The following TNR variants were observed in gnomAD, a reference collection of about 807,000 sequenced individuals.
TNR encodes tenascin-R.
TNR carries 45 observed loss-of-function variants against 150.4 expected under a neutral mutation model. That is an observed-to-expected ratio of 0.30 (90% CI 0.24 to 0.38). The LOEUF (loss-of-function observed/expected upper bound fraction) is 0.38. Among genes scored for constraint, TNR ranks in the 10% least tolerant of loss-of-function variants. The pLI, the probability that TNR is intolerant of heterozygous loss-of-function variation, is 1.00. For synonymous variants in TNR, 687 were observed against 678.4 expected (o/e 1.01, Z -0.20); for missense variants, 1,544 against 1,759.1 (o/e 0.88, Z 2.19).
In TNR at chr1:175,323,550, A is replaced by G. The variant is rs937982036; in HGVS notation, c.3958-74T>C. On this transcript the variant is annotated intron_variant, in intron 22 of 22. Transcript: ENST00000367674. ...GCCCCACTTCAAAAAAGGGGTAATT[A>G]TGGGAACAGGGAATCCACAATGTGG... 7.6e-6 allele frequency: 12 copies of G among 1,579,034 alleles called. No individual in the cohort carries two copies. In the Admixed American group the frequency reaches 1.4e-4, roughly 18 times the overall value.
At chr1:175,735,053 G>T (rs954691694) in intron 1 of TNR, among the ~76,000 whole-genome samples, 4 of 152,172 alleles carry the variant, frequency 2.6e-5, no homozygotes, top group African/African-American at 9.7e-5. Context: ...TGCCTTATAA[G>T]TTCCATCTCT....
intron 1 of TNR, among the ~76,000 whole-genome samples, chr1:175,658,136 G>C (rs1180269517): frequency 1.3e-5 from 2 of 151,948 alleles, no homozygotes; most frequent in Non-Finnish European, 2.9e-5. Flanking sequence ...TGAACCTCAA[G>C]ATGTGGAGTC....
chr1:175,384,723 C>G (rs554482907), intron 8 of TNR, among the ~76,000 whole-genome samples: 6 of 152,282 alleles, frequency 3.9e-5, no homozygotes, highest in African/African-American at 1.4e-4. Flanking sequence ...CCTACTTGTT[C>G]CTCTATGCTC....
At position 175,403,515 on chromosome 1, in the gene TNR, C is replaced by T. The variant is rs201818605; in HGVS notation, c.601G>A (p.Glu201Lys). The change falls in exon 4 of 23, where the codon GAG becomes AAG. Residue 201 changes from glutamate (E) to lysine (K), a missense_variant. Around this residue, in one of 2 missense-constraint regions of TNR, gnomAD observed 1,254 missense variants for 1,329.4 expected, o/e 0.94. Coordinates refer to ENST00000367674, the MANE Select transcript of TNR (RefSeq NM_003285.3). ...NEGWFGKNCS[E>K]PYCPLGCSSR... ...GAGCAACCCAGCGGGCAGTAGGGCT[C>T]CGAGCAATTCTTGCCAAACCAGCCT... 86 of 1,614,102 alleles carry T rather than the reference C, an allele frequency of 5.3e-5. No homozygotes were observed. The highest frequency in any genetic ancestry group is 5.8e-5 in the Non-Finnish European group (69 of 1,180,056).
chr1:175,491,965 C>T (rs1406592630), intron 2 of TNR, among the ~76,000 whole-genome samples: 3 of 152,100 alleles, frequency 2.0e-5, no homozygotes, highest in South Asian at 2.1e-4. Flanking sequence ...GACTTTTAAA[C>T]GATAAACTTT....
At chr1:175,350,006 T>C (rs57419526) in intron 18 of TNR, among the ~76,000 whole-genome samples, 2,656 of 152,364 alleles carry the variant, frequency 0.017, 87 homozygotes, top group African/African-American at 0.061. Flanking sequence ...CCGTGGATAG[T>C]GATCATGAGG....
chr1:175,716,887 T>C (rs1224557407), intron 1 of TNR, among the ~76,000 whole-genome samples: 1 of 152,142 alleles, frequency 6.6e-6, no homozygotes, highest in African/African-American at 2.4e-5. Flanking sequence ...CCCTTCCTTC[T>C]GCCTAGGATG....
chr1:175,383,611 A>T (rs529427425), intron 8 of TNR, among the ~76,000 whole-genome samples: 1 of 152,342 alleles, frequency 6.6e-6, no homozygotes, highest in South Asian at 2.1e-4. Flanking sequence ...ATATCCACTC[A>T]CCATGCAGGA....
rs1261034328 is a variant in TNR, at chr1:175,599,545, G to T, written c.-164-71176C>A. Among the ~76,000 whole-genome samples the T allele has an allele frequency of 6.6e-6, 1 of 152,220 alleles. No homozygotes were observed. Among genetic ancestry groups the T allele is most frequent in the Non-Finnish European group, 1.5e-5 (1 of 68,036 alleles). On this transcript the variant is annotated intron_variant, in intron 1 of 22. Transcript: ENST00000367674. The surrounding 1 kb of genome is among the most constrained non-coding windows in gnomAD (Gnocchi z 4.7). ...GCGGTGGGGCGGCGCGGTTAATGGG[G>T]TCTCTGCTGGGCTAGTGTCCCGCAT...
chr1:175,544,789 T>A (rs926751800), intron 1 of TNR, among the ~76,000 whole-genome samples: 21 of 152,342 alleles, frequency 1.4e-4, no homozygotes, highest in Admixed American at 1.2e-3. Context: ...ATTTTTTCCC[T>A]ATCATTGGCT....
chr1:175,518,643 C>T (rs575974390), intron 2 of TNR, among the ~76,000 whole-genome samples: 1 of 152,278 alleles, frequency 6.6e-6, no homozygotes, highest in African/African-American at 2.4e-5. Context: ...CCTCTTGCTG[C>T]CATTAAGATG....
At chr1:175,414,026 G>C (rs1324385962) in intron 2 of TNR, among the ~76,000 whole-genome samples, 1 of 152,122 alleles carries the variant, frequency 6.6e-6, no homozygotes, top group South Asian at 2.1e-4. Context: ...CCAGCTACTT[G>C]GGAGGCTGAG....
At chr1:175,366,978 C>A (rs951723955) in intron 10 of TNR, among the ~76,000 whole-genome samples, 1 of 152,178 alleles carries the variant, frequency 6.6e-6, no homozygotes, top group Non-Finnish European at 1.5e-5. Flanking sequence ...GCTCTTCAGA[C>A]CACGGGGGAC....
intron 1 of TNR, among the ~76,000 whole-genome samples, chr1:175,709,101 T>C (rs1375779491): frequency 9.2e-5 from 14 of 152,084 alleles, no homozygotes; most frequent in Non-Finnish European, 1.6e-4. Flanking sequence ...CCTACACAGA[T>C]GGATCTTTGC....
intron 2 of TNR, among the ~76,000 whole-genome samples, chr1:175,481,716 C>T (rs1415800280): frequency 6.6e-6 from 1 of 152,018 alleles, no homozygotes; most frequent in Non-Finnish European, 1.5e-5. Flanking sequence ...TTTTTGTGTG[C>T]CTTTCTGATG....
At chr1:175,465,236 T>G (rs895401702) in intron 2 of TNR, among the ~76,000 whole-genome samples, 1 of 152,204 alleles carries the variant, frequency 6.6e-6, no homozygotes, top group Non-Finnish European at 1.5e-5. Flanking sequence ...TCTTTTGGTC[T>G]TAGTTTCCTT....
At chr1:175,521,041 C>T (rs1477636695) in intron 2 of TNR, among the ~76,000 whole-genome samples, 1 of 152,136 alleles carries the variant, frequency 6.6e-6, no homozygotes, top group Admixed American at 6.5e-5. Context: ...CCTGGCAGAA[C>T]CGGTGTTACT....
chr1:175,445,886 C>A (rs1255926957), intron 2 of TNR, among the ~76,000 whole-genome samples: 1 of 152,128 alleles, frequency 6.6e-6, no homozygotes, highest in African/African-American at 2.4e-5. Flanking sequence ...CCTCTATGTG[C>A]CTCTGCTCAA....
chr1:175,416,129 T>TATACAC (rs35195740), intron 2 of TNR, among the ~76,000 whole-genome samples: 37 of 151,354 alleles, frequency 2.4e-4, no homozygotes, highest in Admixed American at 1.3e-3. Flanking sequence ...TATATATATA[T>TATACAC]ACACACACAC....
Sources: allele counts gnomAD v4.1 joint callset (sites outside exome capture counted in the v4.1 genomes callset), GRCh38; gene constraint gnomAD v4.1.1; regional missense constraint gnomAD v4.1.1; non-coding constraint Gnocchi (gnomAD v3.1); transcripts MANE v1.5; gene names NCBI Gene and HGNC (gene_info 2026-07-23, HGNC 2026-07-21).